Variants in EGFLAM observed in about 807,000 individuals in gnomAD.
EGFLAM encodes the protein EGF like, fibronectin type III and laminin G domains.
In EGFLAM, 79 loss-of-function variants were observed where a neutral mutation model predicts 113.1. The ratio of observed to expected loss-of-function variants is 0.70; its 90% CI spans 0.58 to 0.84. EGFLAM has a LOEUF of 0.84. Among genes scored for constraint, EGFLAM ranks in the 40% least tolerant of loss-of-function variants. The pLI is 0.00. For missense variants in EGFLAM, 1,265 were observed against 1,291.6 expected (o/e 0.98, Z 0.32); for synonymous variants, 504 against 487.6 (o/e 1.03, Z -0.44).
intron 1 of EGFLAM, among the ~76,000 whole-genome samples, chr5:38,298,060 A>G (rs1183207228): frequency 6.6e-6 from 1 of 152,040 alleles, no homozygotes; most frequent in Non-Finnish European, 1.5e-5. Context: ...GAAGACTTCA[A>G]GGGCTTGTGA....
At chr5:38,416,529 G>A (rs527920383) in intron 11 of EGFLAM, among the ~76,000 whole-genome samples, 1 of 152,292 alleles carries the variant, frequency 6.6e-6, no homozygotes, top group Non-Finnish European at 1.5e-5. Flanking sequence ...GGATCAGAAG[G>A]CAACCCTCAT....
chr5:38,336,211 TAA>T (rs1021951978), intron 1 of EGFLAM, among the ~76,000 whole-genome samples: 20 of 152,158 alleles, frequency 1.3e-4, no homozygotes, highest in African/African-American at 4.8e-4. Flanking sequence ...CTAAGTGAAA[TAA>T]GACTTAAAAT....
At chr5:38,322,318 A>T (rs1463221603) in intron 1 of EGFLAM, among the ~76,000 whole-genome samples, 2 of 152,334 alleles carry the variant, frequency 1.3e-5, no homozygotes, top group African/African-American at 4.8e-5. Flanking sequence ...TGGGCAGGGA[A>T]TTCCAGGGTC....
intron 2 of EGFLAM, 45 bp from the exon 3 acceptor site, chr5:38,338,653 C>G: frequency 6.3e-7 from 1 of 1,586,902 alleles, no homozygotes; most frequent in Non-Finnish European, 8.7e-7. Flanking sequence ...TGATCTTACA[C>G]AAGCACGGGC....
chr5:38,388,216 C>T (rs190731284), intron 6 of EGFLAM, among the ~76,000 whole-genome samples: 54 of 152,276 alleles, frequency 3.5e-4, no homozygotes, highest in Admixed American at 3.3e-3. Flanking sequence ...AGATAGCAGA[C>T]GTGATTATAT....
intron 17 of EGFLAM, among the ~76,000 whole-genome samples, chr5:38,444,810 T>C (rs1468844150): frequency 2.0e-5 from 3 of 152,128 alleles, no homozygotes; most frequent in African/African-American, 7.2e-5. Flanking sequence ...CCAGGCATGA[T>C]GGCACATGCC....
At chr5:38,411,691 C>T (rs1269906794) in intron 10 of EGFLAM, among the ~76,000 whole-genome samples, 1 of 151,962 alleles carries the variant, frequency 6.6e-6, no homozygotes, top group Non-Finnish European at 1.5e-5. Flanking sequence ...CCATGTTGGC[C>T]AGGATGGTAT....
At chr5:38,348,940 GT>G (rs1371256286) in intron 3 of EGFLAM, among the ~76,000 whole-genome samples, 1 of 152,160 alleles carries the variant, frequency 6.6e-6, no homozygotes, top group Non-Finnish European at 1.5e-5. Flanking sequence ...TCCTGGTTCT[GT>G]CCCCTGTAGA....
chr5:38,289,786 A>G (rs939724113), intron 1 of EGFLAM, among the ~76,000 whole-genome samples: 1 of 152,212 alleles, frequency 6.6e-6, no homozygotes, highest in Non-Finnish European at 1.5e-5. Context: ...TCCTGCATTC[A>G]AGACTAAGTT....
chr5:38,354,526 C>T (rs1448049512), intron 5 of EGFLAM, among the ~76,000 whole-genome samples: 1 of 152,078 alleles, frequency 6.6e-6, no homozygotes, highest in East Asian at 1.9e-4. Flanking sequence ...GTCAGGAGTT[C>T]GAGACCAGCC....
chr5:38,264,925 C>T (rs978691135), intron 1 of EGFLAM, among the ~76,000 whole-genome samples: 1 of 152,196 alleles, frequency 6.6e-6, no homozygotes, highest in Non-Finnish European at 1.5e-5. Context: ...CTGTGCTTCC[C>T]CTCCTATTGG....
In EGFLAM at chr5:38,407,839, CT is replaced by C. The variant is rs1741341518; in HGVS notation, c.1183del (p.Ser395ProfsTer3). On this transcript the variant is annotated frameshift_variant, in exon 9 of 22. Transcript: ENST00000322350. LOFTEE classifies it high-confidence loss of function. Reference protein sequence around the residue: ...VIQYPQFFGHSYVTFEPLKNS... With the variant: ...VIQYPQFFGHXYVTFEPLKNS... The stretch of plus-strand genomic sequence containing the variant: ...TCCAGTATCCTCAGTTCTTTGGCCA[CT>C]CCTATGTAACGTTTGAACCTCTGAA... 6.2e-7 allele frequency: 1 copy of C among 1,613,648 alleles called. No homozygotes were observed. The highest frequency in any genetic ancestry group is 1.7e-5 in the Admixed American group (1 of 60,002).
intron 6 of EGFLAM, chr5:38,401,770 T>G (rs1315725644): frequency 3.3e-5 from 5 of 152,166 alleles, no homozygotes; most frequent in African/African-American, 1.2e-4. Flanking sequence ...TACAATCGAG[T>G]TGGTAAACAC....
At chr5:38,335,177 A>G (rs1739152180) in intron 1 of EGFLAM, among the ~76,000 whole-genome samples, 1 of 152,334 alleles carries the variant, frequency 6.6e-6, no homozygotes, top group South Asian at 2.1e-4. Flanking sequence ...TTTTGGGGAG[A>G]GCAATAAGTC....
chr5:38,343,990 C>T (rs908597750), intron 3 of EGFLAM, among the ~76,000 whole-genome samples: 2 of 152,204 alleles, frequency 1.3e-5, no homozygotes, highest in Non-Finnish European at 2.9e-5. Context: ...CATGCCTCCT[C>T]TCAGCTGTGC....
intron 1 of EGFLAM, among the ~76,000 whole-genome samples, chr5:38,332,588 C>A (rs1367461519): frequency 1.3e-5 from 2 of 152,134 alleles, no homozygotes; most frequent in African/African-American, 4.8e-5. Context: ...GAGCTGAAAG[C>A]CCCAAACAGA....
chr5:38,378,027 G>A (rs1740410378), intron 6 of EGFLAM, among the ~76,000 whole-genome samples: 1 of 152,174 alleles, frequency 6.6e-6, no homozygotes, highest in African/African-American at 2.4e-5. Context: ...AAGTATGAGA[G>A]ATGTTTTGTT....
chr5:38,372,720 A>T (rs1382255468), intron 6 of EGFLAM, among the ~76,000 whole-genome samples: 1 of 152,248 alleles, frequency 6.6e-6, no homozygotes, highest in Non-Finnish European at 1.5e-5. Context: ...TTAAATAGAC[A>T]TAATTTTACA....
At chr5:38,394,600 G>A (rs909193783) in intron 6 of EGFLAM, among the ~76,000 whole-genome samples, 5 of 149,864 alleles carry the variant, frequency 3.3e-5, no homozygotes, top group African/African-American at 7.4e-5. Flanking sequence ...TAGTAGAGAC[G>A]GGGTTTCACC....
Sources: allele counts gnomAD v4.1 joint callset (sites outside exome capture counted in the v4.1 genomes callset), GRCh38; gene constraint gnomAD v4.1.1; transcripts MANE v1.5; gene names NCBI Gene and HGNC (gene_info 2026-07-23, HGNC 2026-07-21).